RBPJ: variants seen among roughly 807,000 people sequenced by gnomAD.
RBPJ encodes recombining binding protein suppressor of hairless.
A neutral mutation model predicts 67.8 loss-of-function variants in RBPJ; 9 were observed. The ratio of observed to expected loss-of-function variants is 0.13; its 90% CI spans 0.08 to 0.23. RBPJ has a LOEUF of 0.23. RBPJ is among the 10% of genes least tolerant of loss of function. The pLI is 1.00. For missense variants in RBPJ, 305 were observed against 595.6 expected (o/e 0.51, Z 5.08); for synonymous variants, 198 against 203.3 (o/e 0.97, Z 0.22).
chr4:26,270,237 C>A (rs766463573), intron 1 of RBPJ, among the ~76,000 whole-genome samples: 3 of 142,846 alleles, frequency 2.1e-5, no homozygotes, highest in Non-Finnish European at 3.0e-5. Flanking sequence ...GCCAAGAAAT[C>A]GTACCACTGC....
At chr4:26,407,298 C>T (rs919193116) in intron 3 of RBPJ, among the ~76,000 whole-genome samples, 1 of 152,162 alleles carries the variant, frequency 6.6e-6, no homozygotes, top group African/African-American at 2.4e-5. Flanking sequence ...ACTCCTGGCC[C>T]TCTCTCTTGA....
intron 1 of RBPJ, among the ~76,000 whole-genome samples, chr4:26,328,442 G>A (rs980790019): frequency 2.6e-5 from 4 of 152,170 alleles, no homozygotes; most frequent in African/African-American, 9.7e-5. Flanking sequence ...ATTGTGTAAG[G>A]GAGATTATGG....
intron 4 of RBPJ, among the ~76,000 whole-genome samples, chr4:26,418,564 A>G (rs1042880656): frequency 1.3e-5 from 2 of 151,500 alleles, no homozygotes; most frequent in African/African-American, 4.9e-5. Flanking sequence ...TTATGATCCA[A>G]CCTTCTTGGT....
rs1320691446 is a variant in RBPJ, at chr4:26,191,200, TATATATATATAGAGAGAGAG to T, written c.-167+27588_-167+27607del. On this transcript the variant is annotated intron_variant, in intron 1 of 4. Transcript: ENST00000512351. ...AAAAAAATATATATATATATATATA[TATATATATATAGAGAGAGAG>T]AGAGAGAGAGAGAGAGAGAGATAGA... Among the ~76,000 whole-genome samples, 6 of 31,336 alleles carry T rather than the reference TATATATATATAGAGAGAGAG, an allele frequency of 1.9e-4. No individual in the cohort carries two copies. In the East Asian group the frequency reaches 7.5e-3, roughly 39 times the overall value. 20.6% of individuals were successfully genotyped at this position (31,336 alleles called of 152,430 possible). A position where few individuals can be genotyped will look rare whatever the true frequency, so the allele number is the denominator to read the frequency against.
At position 26,303,543 on chromosome 4, in the gene RBPJ, G is replaced by A. The variant is rs375341356; in HGVS notation, c.-166-58903G>A. Among the ~76,000 whole-genome samples, 10 of 151,504 alleles carry A rather than the reference G, an allele frequency of 6.6e-5. No individual in the cohort carries two copies. In the East Asian group the frequency reaches 1.7e-3, roughly 26 times the overall value. ...TCAACTAGCAAAGAAATGATTATTTGCTTATTTTCTATAGAGTTTATTTTA... is the reference window on the plus strand; with the variant it reads ...TCAACTAGCAAAGAAATGATTATTTACTTATTTTCTATAGAGTTTATTTTA... On this transcript the variant is annotated intron_variant, in intron 1 of 4. Transcript: ENST00000512351.
At position 26,397,262 on chromosome 4, in the gene RBPJ, C is replaced by T. The variant is rs76860506; in HGVS notation, c.60-8913C>T. 3.1e-3 allele frequency among the ~76,000 whole-genome samples: 475 copies of T among 152,230 alleles called. 3 individuals are homozygous for T. Among genetic ancestry groups the T allele is most frequent in the African/African-American group, 0.011 (437 of 41,528 alleles). ...TGAGGCAGTGTAAAAGGCGAGACTG[C>T]CAGAGTCTGACAAAAATAGGGCAGT... On this transcript the variant is annotated intron_variant, in intron 2 of 10. Coordinates refer to ENST00000355476, the MANE Select transcript of RBPJ (RefSeq NM_015874.6).
chr4:26,139,835 G>A, the RBPJ span, among the ~76,000 whole-genome samples: 2 of 152,314 alleles, frequency 1.3e-5, no homozygotes, highest in Admixed American at 6.5e-5. Context: ...TCATGTTTCT[G>A]TACTTAATTT....
At chr4:26,120,802 G>T in the RBPJ span, among the ~76,000 whole-genome samples, 1 of 137,206 alleles carries the variant, frequency 7.3e-6, no homozygotes, top group East Asian at 2.1e-4. Context: ...TGGACAGAAT[G>T]AAGCCTGGCA....
chr4:26,427,437 A>G (rs1735791200), intron 7 of RBPJ, among the ~76,000 whole-genome samples: 1 of 152,192 alleles, frequency 6.6e-6, no homozygotes. Flanking sequence ...AGAAGTCTGG[A>G]GATAATAAAT....
At chr4:26,248,696 G>A (rs1428641701) in intron 1 of RBPJ, among the ~76,000 whole-genome samples, 2 of 152,126 alleles carry the variant, frequency 1.3e-5, no homozygotes, top group South Asian at 4.1e-4. Context: ...CTAGTAATAG[G>A]GACTTGTGGA....
intron 1 of RBPJ, among the ~76,000 whole-genome samples, chr4:26,200,807 TGATTAGGTG>T (rs2109153705): frequency 6.6e-6 from 1 of 152,284 alleles, no homozygotes; most frequent in African/African-American, 2.4e-5. Flanking sequence ...CCCCTTACTG[TGATTAGGTG>T]CTTCTTGTCT....
chr4:26,319,642 G>C, upstream of RBPJ: 1 of 611,194 alleles, frequency 1.6e-6, no homozygotes, highest in East Asian at 2.9e-5. Context: ...TCCCACGGCC[G>C]TGTTGTGTCT....
At position 26,430,391 on chromosome 4, in the gene RBPJ, C is replaced by T. The variant is rs1178678692; in HGVS notation, c.1045-28C>T. On this transcript the variant is annotated intron_variant, in intron 9 of 10. Transcript: ENST00000355476. The surrounding 1 kb of genome is among the most constrained non-coding windows in gnomAD (Gnocchi z 4.1). ...TTTAATGAAAAATGAAAAGTTTTCT[C>T]AGTGTTGTGATTTTCTGTGAATTGC... is the stretch of plus-strand genomic sequence containing the variant. 5.8e-6 allele frequency: 9 copies of T among 1,545,634 alleles called. No homozygotes were observed. The highest frequency in any genetic ancestry group is 6.3e-6 in the Non-Finnish European group (7 of 1,119,388).
chr4:26,244,272 T>TATGTGTGTATATGTGTACAC (rs1719779281), intron 1 of RBPJ, among the ~76,000 whole-genome samples: 2 of 18,112 alleles, frequency 1.1e-4, no homozygotes, highest in African/African-American at 3.5e-4. Context: ...TGTGTACACA[T>TATGTGTGTATATGTGTACAC]ATATGTGTGT....
intron 1 of RBPJ, among the ~76,000 whole-genome samples, chr4:26,187,033 C>A (rs577283397): frequency 6.6e-6 from 1 of 152,128 alleles, no homozygotes; most frequent in Non-Finnish European, 1.5e-5. Context: ...CCAGCCTGGA[C>A]AACATGCCAA....
intron 3 of RBPJ, among the ~76,000 whole-genome samples, chr4:26,409,005 T>G (rs1733755654): frequency 6.6e-6 from 1 of 152,254 alleles, no homozygotes; most frequent in African/African-American, 2.4e-5. Context: ...GTGTTTATCA[T>G]ATAGCTTCAA....
intron 1 of RBPJ, among the ~76,000 whole-genome samples, chr4:26,271,977 G>A (rs1227975224): frequency 6.6e-6 from 1 of 152,226 alleles, no homozygotes; most frequent in Non-Finnish European, 1.5e-5. Flanking sequence ...CCAGCTTCCA[G>A]ATTTCTGTAG....
At chr4:26,402,558 G>A (rs887481599) in intron 2 of RBPJ, among the ~76,000 whole-genome samples, 2 of 152,174 alleles carry the variant, frequency 1.3e-5, no homozygotes, top group African/African-American at 4.8e-5. Flanking sequence ...GCTGGCATCT[G>A]TTAGACTTCT....
the RBPJ span, among the ~76,000 whole-genome samples, chr4:26,114,620 G>A: frequency 3.2e-3 from 488 of 151,772 alleles, no homozygotes; most frequent in African/African-American, 0.011. Context: ...GAGAAAATAC[G>A]TACCTTTAGT....
Sources: gnomAD v4.1 joint callset for allele counts (sites outside exome capture counted in the v4.1 genomes callset) on GRCh38, gnomAD v4.1.1 for gene constraint, Gnocchi (gnomAD v3.1) non-coding constraint, MANE v1.5 for transcripts, NCBI Gene and HGNC (gene_info 2026-07-23, HGNC 2026-07-21) for gene names.